MLPH: variants seen among roughly 807,000 people sequenced by gnomAD.
MLPH encodes the protein exophilin-3.
In MLPH, 51 loss-of-function variants were observed where a neutral mutation model predicts 72.1. The ratio of observed to expected loss-of-function variants is 0.71; its 90% confidence interval spans 0.56 to 0.89. The LOEUF (loss-of-function observed/expected upper bound fraction) is 0.89, where lower values mean the gene tolerates loss of function less well. MLPH is among the 40% of genes least tolerant of loss of function. The pLI is 0.00. For synonymous variants in MLPH, 301 were observed against 310.1 expected (o/e 0.97, Z 0.31); for missense variants, 743 against 759.9 (o/e 0.98, Z 0.26).
intron 4 of MLPH, chr2:237,511,502 C>T (rs145136691): frequency 1.0e-5 from 2 of 193,496 alleles, no homozygotes; most frequent in African/African-American, 2.4e-5. Flanking sequence ...GCTGAAGTTG[C>T]CAATATTTGA....
chr2:237,540,735 T>G, intron 10 of MLPH, 67 bp from the exon 11 acceptor site: 1 of 1,591,362 alleles, frequency 6.3e-7, no homozygotes. Context: ...TCGTGGTGAG[T>G]CCCCATCTGG....
At chr2:237,533,255 A>C (rs1286491589) in intron 8 of MLPH, among the ~76,000 whole-genome samples, 1 of 152,190 alleles carries the variant, frequency 6.6e-6, no homozygotes, top group African/African-American at 2.4e-5. Context: ...TCAAAAACAC[A>C]GTTCCCAGGT....
intron 2 of MLPH, among the ~76,000 whole-genome samples, chr2:237,504,067 G>T (rs1208410405): frequency 6.6e-6 from 1 of 152,164 alleles, no homozygotes; most frequent in Non-Finnish European, 1.5e-5. Context: ...AAGCTAAACT[G>T]CCAGAGAGCA....
chr2:237,528,100 T>C (rs1346598992), intron 8 of MLPH, among the ~76,000 whole-genome samples: 3 of 152,086 alleles, frequency 2.0e-5, no homozygotes, highest in Admixed American at 1.3e-4. Flanking sequence ...GAAACTAGAA[T>C]AGTAGTCACC....
chr2:237,529,909 T>C (rs1390521937), intron 8 of MLPH, among the ~76,000 whole-genome samples: 2 of 152,210 alleles, frequency 1.3e-5, no homozygotes, highest in Non-Finnish European at 1.5e-5. Flanking sequence ...CCTTCGGGCC[T>C]GTGGGCTCTG....
intron 15 of MLPH, among the ~76,000 whole-genome samples, chr2:237,552,911 T>C (rs2081067357): frequency 6.6e-6 from 1 of 152,242 alleles, no homozygotes; most frequent in African/African-American, 2.4e-5. Flanking sequence ...CATGTGTATG[T>C]ACCTGCATAC....
chr2:237,535,256 C>T (rs1207950417), intron 9 of MLPH, among the ~76,000 whole-genome samples: 1 of 152,012 alleles, frequency 6.6e-6, no homozygotes, highest in Admixed American at 6.5e-5. Context: ...ATAACAACCA[C>T]CCTGGAATGA....
intron 11 of MLPH, 151 bp from the exon 12 acceptor site, chr2:237,542,416 G>A: frequency 1.4e-6 from 1 of 715,288 alleles, no homozygotes; most frequent in Non-Finnish European, 2.6e-6. Context: ...CACCAACATG[G>A]GCATGGGGCT....
At position 237,540,934 on chromosome 2, in the gene MLPH, G is replaced by A. The variant is rs1452887657; in HGVS notation, c.1423G>A (p.Glu475Lys). 1.2e-6 allele frequency: 2 copies of A among 1,609,084 alleles called. No homozygotes were observed. Among genetic ancestry groups the A allele is most frequent in the Admixed American group, 1.7e-5 (1 of 59,400 alleles). The change falls in exon 11 of 16, where the codon GAA becomes AAA. Residue 475 changes from glutamate (E) to lysine (K), a missense_variant. By Grantham distance (56) the Glu-to-Lys change is moderately conservative. Transcript: ENST00000264605. ...LEDRVAVTAS[E>K]VQQAESEVSD... ...GGACAGAGTGGCAGTGACGGCCTCA[G>A]AAGTCCAGCAGGCAGAGAGCGAGGT...
chr2:237,507,062 C>T (rs75586547), intron 2 of MLPH, among the ~76,000 whole-genome samples: 184 of 94,428 alleles, frequency 1.9e-3, no homozygotes, highest in African/African-American at 3.8e-3. Flanking sequence ...TTTTTTTTTT[C>T]TTTTTTTTTT....
At chr2:237,550,217 C>T (rs1048128728) in intron 14 of MLPH, among the ~76,000 whole-genome samples, 6 of 152,190 alleles carry the variant, frequency 3.9e-5, no homozygotes, top group African/African-American at 7.2e-5. Context: ...GCCTCTCCCC[C>T]GGGGCTCTCC....
At chr2:237,534,499 G>A (rs908917066) in intron 8 of MLPH, 65 bp from the exon 9 acceptor site, 1 of 1,307,784 alleles carries the variant, frequency 7.6e-7, no homozygotes, top group Non-Finnish European at 1.1e-6. Flanking sequence ...GGTGGTGGGT[G>A]CCAGTGTCTT....
intron 2 of MLPH, among the ~76,000 whole-genome samples, chr2:237,501,317 C>G (rs1192045941): frequency 6.6e-6 from 1 of 152,142 alleles, no homozygotes. Context: ...CTCAGACACC[C>G]CTGTGATGTG....
intron 5 of MLPH, among the ~76,000 whole-genome samples, chr2:237,518,966 G>T (rs1197497131): frequency 6.6e-6 from 1 of 152,216 alleles, no homozygotes; most frequent in African/African-American, 2.4e-5. Context: ...AGGACAGGCA[G>T]GGGTCCTGGA....
intron 2 of MLPH, among the ~76,000 whole-genome samples, chr2:237,495,924 C>T (rs554928391): frequency 6.6e-6 from 1 of 152,322 alleles, no homozygotes; most frequent in African/African-American, 2.4e-5. Context: ...GCCCCGTCCT[C>T]ACCCCTCCAC....
chr2:237,551,339 G>C (rs1574919048), intron 14 of MLPH, among the ~76,000 whole-genome samples: 1 of 152,386 alleles, frequency 6.6e-6, no homozygotes, highest in Admixed American at 6.5e-5. Flanking sequence ...TCCCAGAAAA[G>C]GAAAAGGACA....
rs1229456912 is a variant in MLPH, at chr2:237,519,990, GCA to G, written c.638_639del (p.His213ProfsTer6). 2 of 1,614,036 alleles carry G rather than the reference GCA, an allele frequency of 1.2e-6. No individual in the cohort carries two copies. Among genetic ancestry groups the G allele is most frequent in the East Asian group, 4.5e-5 (2 of 44,866 alleles). On this transcript the variant is annotated frameshift_variant, in exon 6 of 16. Transcript: ENST00000264605. LOFTEE classifies it high-confidence loss of function. ...DSTQPQGHSL[H>X]LSSVPEARDS... is the part of the protein sequence containing the mutation. The stretch of plus-strand genomic sequence containing the variant: ...CCACTCAGCCTCAAGGTCACTCCCT[GCA>G]CCTGTCCTCAGTCCCTGAGGCCAGG...
At chr2:237,543,104 G>A (rs1396176900) in intron 12 of MLPH, among the ~76,000 whole-genome samples, 2 of 72,524 alleles carry the variant, frequency 2.8e-5, no homozygotes, top group Admixed American at 1.4e-4. Context: ...GGGGACAGTG[G>A]TGAGTGGGGG....
intron 14 of MLPH, 101 bp from the exon 15 acceptor site, chr2:237,552,236 C>T: frequency 2.3e-6 from 2 of 879,954 alleles, no homozygotes; most frequent in Non-Finnish European, 3.7e-6. Flanking sequence ...GGGATATGTC[C>T]ATTTTTTTCT....
Sources: allele counts gnomAD v4.1 joint callset (sites outside exome capture counted in the v4.1 genomes callset), GRCh38; gene constraint gnomAD v4.1.1; transcripts MANE v1.5; gene names NCBI Gene and HGNC (gene_info 2026-07-23, HGNC 2026-07-21).